PHAX: variants seen among roughly 807,000 people sequenced by gnomAD.
PHAX encodes the protein phosphorylated adaptor for RNA export.
In PHAX, 31 loss-of-function variants were observed where a neutral mutation model predicts 41.6. The ratio of observed to expected loss-of-function variants is 0.75; its 90% CI spans 0.56 to 1.01. PHAX has a LOEUF of 1.01. Ranked by LOEUF, PHAX falls within the 50% of genes least tolerant of loss-of-function variation. The pLI is 0.00. For missense variants in PHAX, 453 were observed against 472.9 expected (o/e 0.96, Z 0.39); for synonymous variants, 175 against 164.9 (o/e 1.06, Z -0.47).
In PHAX at chr5:126,601,001, T is replaced by G; in HGVS notation, c.39T>G (p.Leu13=). Residue 13 remains leucine (L), a synonymous_variant, in exon 1 of 5, where the codon CTT becomes CTG. Transcript: ENST00000297540. ...TCGGCGATATGGAAGATGGGCAGCT[T>G]TCCGACTCGGATTCCGACATGACGG... ...LEVGDMEDGQ[L]SDSDSDMTVA... The G allele has an allele frequency of 6.2e-7, 1 of 1,605,682 alleles. No individual in the cohort carries two copies. Among genetic ancestry groups the G allele is most frequent in the African/African-American group, 1.4e-5 (1 of 73,270 alleles).
At position 126,626,411 on chromosome 5, in the gene PHAX, T is replaced by C. The variant is rs1186677419; in HGVS notation, c.*1567T>C. 6.6e-6 allele frequency: 1 copy of C among 151,930 alleles called. No individual in the cohort carries two copies. The highest frequency in any genetic ancestry group is 1.9e-4 in the East Asian group (1 of 5,168). The allele number at this position is 151,930 out of a possible 1,614,324, so 9.4% of individuals were successfully genotyped here. A position where few individuals can be genotyped will look rare whatever the true frequency, so the allele number is the denominator to read the frequency against. On this transcript the variant is annotated 3_prime_UTR_variant, in exon 5 of 5. Coordinates refer to ENST00000297540, the MANE Select transcript of PHAX (RefSeq NM_032177.4). ...GAGTTCAAAACCAACCTGGTCTACA[T>C]GGTGAAACCCCATCTCAACTAAAAA... is the stretch of plus-strand genomic sequence containing the variant.
chr5:126,604,273 C>CTTTTTT, intron 2 of PHAX, 90 bp downstream of exon 2: 10 of 791,606 alleles, frequency 1.3e-5, no homozygotes, highest in South Asian at 1.1e-4. Flanking sequence ...ATGATATGTT[C>CTTTTTT]CTTTTTTTTT....
intron 1 of PHAX, among the ~76,000 whole-genome samples, chr5:126,602,666 G>C (rs1055596086): frequency 6.6e-6 from 1 of 152,194 alleles, no homozygotes; most frequent in Non-Finnish European, 1.5e-5. Flanking sequence ...ATTGACCCAT[G>C]ACTTGGTAAA....
chr5:126,616,337 C>T (rs908411232), intron 3 of PHAX, among the ~76,000 whole-genome samples: 1 of 152,138 alleles, frequency 6.6e-6, no homozygotes. Context: ...CTCAGGTGAT[C>T]CACCCGCCTC....
intron 1 of PHAX, among the ~76,000 whole-genome samples, chr5:126,602,542 C>G (rs748831355): frequency 1.1e-4 from 16 of 152,216 alleles, no homozygotes; most frequent in Non-Finnish European, 1.6e-4. Context: ...TCCCAACTTC[C>G]ATTTCTAGCG....
At position 126,624,764 on chromosome 5, in the gene PHAX, C is replaced by G; in HGVS notation, c.1105C>G (p.Gln369Glu). The change falls in exon 5 of 5, where the codon CAG becomes GAG. Residue 369 changes from glutamine (Q) to glutamate (E), a missense_variant. By Grantham distance (29) the Gln-to-Glu change is conservative. Transcript: ENST00000297540. ...GGCCTTGGCCTCTCTTGATGAGTCACAGGAAGGACATGCAGAAGCCAAGTT... is the reference window on the plus strand; with the variant it reads ...GGCCTTGGCCTCTCTTGATGAGTCAGAGGAAGGACATGCAGAAGCCAAGTT... Reference protein sequence around the residue: ...NEALASLDESQEGHAEAKLEA... With the variant: ...NEALASLDESEEGHAEAKLEA... The G allele has an allele frequency of 6.2e-7, 1 of 1,614,046 alleles. No individual in the cohort carries two copies. The highest frequency in any genetic ancestry group is 8.5e-7 in the Non-Finnish European group (1 of 1,179,996).
At position 126,604,143 on chromosome 5, in the gene PHAX, G is replaced by T. The variant is rs1751952472; in HGVS notation, c.670G>T (p.Glu224Ter). 6.4e-7 allele frequency: 1 copy of T among 1,556,468 alleles called. No individual in the cohort carries two copies. Among genetic ancestry groups the T allele is most frequent in the Non-Finnish European group, 8.7e-7 (1 of 1,154,288 alleles). The change falls in exon 2 of 5, where the codon GAA becomes TAA. Residue 224 changes from glutamate to a stop codon, truncating the protein, a stop_gained. Coordinates refer to ENST00000297540, the MANE Select transcript of PHAX (RefSeq NM_032177.4). LOFTEE classifies it high-confidence loss of function. ...TAAAGGTCGATACGAGATCACAGCG[G>T]AAGATTCTCAAGAGAAAGTGGCTGA... ...NYKGRYEITA[E>*]DSQEKVADEI...
chr5:126,608,546 C>G, intron 3 of PHAX, 62 bp downstream of exon 3: 1 of 362,872 alleles, frequency 2.8e-6, no homozygotes, highest in Non-Finnish European at 4.8e-6. Flanking sequence ...TTTTTGATTA[C>G]AAATTTAACT....
At chr5:126,607,836 A>G (rs34956316) in intron 2 of PHAX, among the ~76,000 whole-genome samples, 23,496 of 152,156 alleles carry the variant, frequency 0.15, 2,379 homozygotes, top group East Asian at 0.39. Flanking sequence ...ATCAGCTGGC[A>G]TAGTGCATGT....
intron 2 of PHAX, among the ~76,000 whole-genome samples, chr5:126,605,196 C>T (rs1398597411): frequency 6.6e-6 from 1 of 151,092 alleles, no homozygotes; most frequent in African/African-American, 2.4e-5. Flanking sequence ...GATGGTCTTG[C>T]TCTGGTCACT....
chr5:126,614,084 G>A (rs1225291594), intron 3 of PHAX, among the ~76,000 whole-genome samples: 1 of 151,684 alleles, frequency 6.6e-6, no homozygotes, highest in African/African-American at 2.4e-5. Context: ...TTAACCGCAT[G>A]TTTTTGCTAC....
chr5:126,618,314 CG>C (rs1752219561), intron 4 of PHAX, among the ~76,000 whole-genome samples: 1 of 151,702 alleles, frequency 6.6e-6, no homozygotes, highest in Admixed American at 6.6e-5. Flanking sequence ...TTTGAACAAG[CG>C]TAAGGGCAGG....
chr5:126,600,975 G>A lies in PHAX; in HGVS notation c.13G>A (p.Val5Ile), dbSNP rs563157971. The A allele has an allele frequency of 6.2e-6, 10 of 1,604,248 alleles. No homozygotes were observed. The highest frequency in any genetic ancestry group is 2.2e-5 in the South Asian group (2 of 90,648). The change falls in exon 1 of 5, where the codon GTC becomes ATC. Residue 5 changes from valine to isoleucine, a missense_variant. Val to Ile is a conservative substitution (Grantham distance 29, BLOSUM62 3). Coordinates refer to ENST00000297540, the MANE Select transcript of PHAX (RefSeq NM_032177.4). ...GCACCGCGGGAAGATGGCGTTGGAG[G>A]TCGGCGATATGGAAGATGGGCAGCT... is the stretch of plus-strand genomic sequence containing the variant. MALE[V>I]GDMEDGQLSD...
At chr5:126,610,863 G>A (rs934654809) in intron 3 of PHAX, among the ~76,000 whole-genome samples, 1 of 151,848 alleles carries the variant, frequency 6.6e-6, no homozygotes, top group East Asian at 1.9e-4. Flanking sequence ...GTGCCACCGC[G>A]CTTGGCTAAT....
chr5:126,607,388 C>CT (rs58375322), intron 2 of PHAX, among the ~76,000 whole-genome samples: 3,375 of 85,380 alleles, frequency 0.04, 404 homozygotes, highest in African/African-American at 0.074. Flanking sequence ...GGTCTGAATT[C>CT]TTTTTTTTTT....
intron 2 of PHAX, among the ~76,000 whole-genome samples, chr5:126,607,097 A>G (rs1752001506): frequency 6.6e-6 from 1 of 152,204 alleles, no homozygotes; most frequent in South Asian, 2.1e-4. Flanking sequence ...ACAGTGTCAT[A>G]AATTTGAAAA....
rs778307588 is a variant in PHAX at position 126,624,785 on chromosome 5, A to G, written c.1126A>G (p.Lys376Glu). 8 of 1,613,662 alleles carry G rather than the reference A, an allele frequency of 5.0e-6. No individual in the cohort carries two copies. Among genetic ancestry groups the G allele is most frequent in the South Asian group, 1.1e-5 (1 of 90,734 alleles). Residue 376 changes from lysine to glutamate, a missense_variant, in exon 5 of 5, where the codon AAG becomes GAG. By Grantham distance (56) the Lys-to-Glu change is moderately conservative. Transcript: ENST00000297540. Reference protein sequence around the residue: ...DESQEGHAEAKLEAEEAIEVD... With the variant: ...DESQEGHAEAELEAEEAIEVD... ...GTCACAGGAAGGACATGCAGAAGCC[A>G]AGTTGGAGGCAGAGGAAGCCATTGA...
chr5:126,605,538 C>T (rs35109241), intron 2 of PHAX, among the ~76,000 whole-genome samples: 9,306 of 150,996 alleles, frequency 0.062, 331 homozygotes, highest in South Asian at 0.11. Context: ...TATAGGCATT[C>T]GCCACCACAC....
intron 2 of PHAX, among the ~76,000 whole-genome samples, chr5:126,607,844 T>C (rs1442350607): frequency 6.6e-6 from 1 of 152,168 alleles, no homozygotes; most frequent in Non-Finnish European, 1.5e-5. Context: ...GCATAGTGCA[T>C]GTAAGGTTCT....
Sources: allele counts gnomAD v4.1 joint callset (sites outside exome capture counted in the v4.1 genomes callset), GRCh38; gene constraint gnomAD v4.1.1; transcripts MANE v1.5; gene names NCBI Gene and HGNC (gene_info 2026-07-23, HGNC 2026-07-21).